The following LNX1 variants were observed in gnomAD, a reference collection of about 807,000 sequenced individuals.
LNX1 encodes ligand of numb-protein X 1.
LNX1 carries 54 observed loss-of-function variants against 68.4 expected under a neutral mutation model. The observed-to-expected ratio is 0.79, with a 90% CI of 0.63 to 0.99. The LOEUF is 0.99. Among genes scored for constraint, LNX1 ranks in the 50% least tolerant of loss-of-function variants. The pLI, the probability that LNX1 is intolerant of heterozygous loss-of-function variation, is 0.00. For missense variants in LNX1, 906 were observed against 926.4 expected (o/e 0.98, Z 0.29); for synonymous variants, 336 against 350.0 (o/e 0.96, Z 0.45).
At chr4:53,492,506 T>TGAGAGAGAGAGA (rs58715153) in intron 6 of LNX1, among the ~76,000 whole-genome samples, 3,608 of 88,930 alleles carry the variant, frequency 0.041, 324 homozygotes, top group East Asian at 0.092. Context: ...CAGAGGGCTC[T>TGAGAGAGAGAGA]GAGAGAGAGA....
At position 53,509,033 on chromosome 4, in the gene LNX1, G is replaced by A. The variant is rs191786133; in HGVS notation, c.381-806C>T. Among the ~76,000 whole-genome samples the A allele has an allele frequency of 3.6e-4, 55 of 152,290 alleles. 1 individual carries two copies. The highest frequency in any genetic ancestry group is 2.8e-3 in the Admixed American group (43 of 15,304). ...AAAGAAGTTGAAAAAGAACATTCTC[G>A]AGGCTCAGAAGACCAAGGTTGGAGC... is the stretch of plus-strand genomic sequence containing the variant. On this transcript the variant is annotated intron_variant, in intron 2 of 10. Coordinates refer to ENST00000263925, the MANE Select transcript of LNX1 (RefSeq NM_001126328.3).
chr4:53,479,331 G>A (rs1579378908), intron 7 of LNX1, among the ~76,000 whole-genome samples: 2 of 152,192 alleles, frequency 1.3e-5, no homozygotes, highest in Admixed American at 1.3e-4. Context: ...TTAAAAAAAA[G>A]TAACCATATT....
At position 53,637,732 on chromosome 4, in the gene LNX1, C is replaced by A. The variant is rs139368753; in HGVS notation, c.-215+14436G>T. Reference sequence around the variant, plus strand: ...TCAATTACATAAACCAAAACACAGCCAGTTTCTGAGATATTAAAATGTAAA... The same window carrying A: ...TCAATTACATAAACCAAAACACAGCAAGTTTCTGAGATATTAAAATGTAAA... On this transcript the variant is annotated intron_variant, in intron 1 of 2. Transcript: ENST00000507168. 2.5e-3 allele frequency among the ~76,000 whole-genome samples: 374 copies of A among 152,082 alleles called. 2 individuals are homozygous for A. The highest frequency in any genetic ancestry group is 8.5e-3 in the African/African-American group (353 of 41,472).
chr4:53,568,213 A>G (rs1730847589), intron 2 of LNX1, among the ~76,000 whole-genome samples: 1 of 151,906 alleles, frequency 6.6e-6, no homozygotes, highest in Non-Finnish European at 1.5e-5. Context: ...TTTTAGACCA[A>G]TATCCTTGAT....
chr4:53,587,917 C>T (rs555681110), intron 1 of LNX1, among the ~76,000 whole-genome samples: 103 of 152,300 alleles, frequency 6.8e-4, no homozygotes, highest in African/African-American at 2.4e-3. Context: ...ACAACACAAT[C>T]TTTGTTAACA....
At chr4:53,565,445 T>A (rs1172907450) in intron 2 of LNX1, among the ~76,000 whole-genome samples, 37 of 150,364 alleles carry the variant, frequency 2.5e-4, no homozygotes, top group African/African-American at 9.0e-4. Context: ...GTCCTGTCTG[T>A]TAGAAGGAAA....
chr4:53,643,204 G>T (rs544206972), intron 1 of LNX1, among the ~76,000 whole-genome samples: 1 of 152,050 alleles, frequency 6.6e-6, no homozygotes, highest in South Asian at 2.1e-4. Flanking sequence ...AAGCTGGAGT[G>T]CAATGGCACG....
At chr4:53,578,311 G>A (rs554450908) in intron 1 of LNX1, among the ~76,000 whole-genome samples, 1 of 152,198 alleles carries the variant, frequency 6.6e-6, no homozygotes, top group Non-Finnish European at 1.5e-5. Context: ...TTGGTCCTTG[G>A]GTGAACATCA....
At chr4:53,507,554 A>AAC in intron 3 of LNX1, 85 bp from the exon 4 acceptor site, 1 of 1,447,876 alleles carries the variant, frequency 6.9e-7, no homozygotes, top group South Asian at 1.2e-5. Flanking sequence ...TATACACAAT[A>AAC]AGACATTAAC....
intron 2 of LNX1, among the ~76,000 whole-genome samples, chr4:53,544,029 A>T (rs1417479045): frequency 6.6e-6 from 1 of 152,260 alleles, no homozygotes; most frequent in African/African-American, 2.4e-5. Context: ...CATGGAACAA[A>T]CACTTTATCT....
chr4:53,492,517 G>GAGAGAGAGAGAGAGAGAC (rs1724759090), intron 6 of LNX1, among the ~76,000 whole-genome samples: 1 of 149,988 alleles, frequency 6.7e-6, no homozygotes, highest in Non-Finnish European at 1.5e-5. Context: ...GAGAGAGAGA[G>GAGAGAGAGAGAGAGAGAC]AGAGAGAGAG....
chr4:53,488,091 T>A (rs565039714), intron 6 of LNX1, among the ~76,000 whole-genome samples: 3 of 152,232 alleles, frequency 2.0e-5, no homozygotes, highest in Non-Finnish European at 2.9e-5. Flanking sequence ...CATCATCTCA[T>A]CCAACATTTT....
At chr4:53,584,793 T>A (rs1732063969) in intron 1 of LNX1, among the ~76,000 whole-genome samples, 1 of 152,250 alleles carries the variant, frequency 6.6e-6, no homozygotes, top group African/African-American at 2.4e-5. Flanking sequence ...CCAGCTTCTA[T>A]CTGAAACACT....
At chr4:53,469,324 G>C (rs941430429) in intron 9 of LNX1, among the ~76,000 whole-genome samples, 1 of 152,074 alleles carries the variant, frequency 6.6e-6, no homozygotes, top group African/African-American at 2.4e-5. Context: ...CAGAATCTCT[G>C]GGACACATTC....
chr4:53,531,928 G>A (rs1258586479), intron 2 of LNX1, among the ~76,000 whole-genome samples: 1 of 152,200 alleles, frequency 6.6e-6, no homozygotes, highest in Non-Finnish European at 1.5e-5. Context: ...CAGACACAGT[G>A]AGTCCTCTTT....
chr4:53,564,350 C>T (rs1341107197), intron 2 of LNX1, among the ~76,000 whole-genome samples: 1 of 148,634 alleles, frequency 6.7e-6, no homozygotes, highest in Non-Finnish European at 1.5e-5. Flanking sequence ...TCCCCACATC[C>T]CTTCTGGCTT....
At chr4:53,557,944 C>T (rs781629610) in intron 2 of LNX1, 55 of 1,613,608 alleles carry the variant, frequency 3.4e-5, no homozygotes, top group Non-Finnish European at 4.7e-5. Flanking sequence ...CAAGGCAAGA[C>T]CAGCAACAGA....
rs775629287 is a variant in LNX1, at chr4:53,557,826, A to G, written c.380+15797T>C. ...GGAATGGACTCGGGTCCCACCCCCAACATACTAGGCACATAAACACACAGG... is the reference window on the plus strand; with the variant it reads ...GGAATGGACTCGGGTCCCACCCCCAGCATACTAGGCACATAAACACACAGG... On this transcript the variant is annotated intron_variant, in intron 2 of 10. Coordinates refer to ENST00000263925, the MANE Select transcript of LNX1 (RefSeq NM_001126328.3). 3.1e-6 allele frequency: 5 copies of G among 1,610,436 alleles called. No homozygotes were observed. In the South Asian group the frequency reaches 3.3e-5, roughly 11 times the overall value.
intron 2 of LNX1, among the ~76,000 whole-genome samples, chr4:53,597,046 T>G (rs1164157860): frequency 6.6e-6 from 1 of 152,220 alleles, no homozygotes; most frequent in Non-Finnish European, 1.5e-5. Context: ...AGTTTCACTT[T>G]AGGTCCATCT....
Sources: allele counts gnomAD v4.1 joint callset (sites outside exome capture counted in the v4.1 genomes callset), GRCh38; gene constraint gnomAD v4.1.1; transcripts MANE v1.5; gene names NCBI Gene and HGNC (gene_info 2026-07-23, HGNC 2026-07-21).